IRAG2: variants seen among roughly 807,000 people sequenced by gnomAD.
IRAG2 encodes inositol 1,4,5-triphosphate receptor associated 2.
IRAG2 carries 45 observed loss-of-function variants against 69.9 expected under a neutral mutation model. That is an observed-to-expected ratio of 0.64 (90% CI 0.51 to 0.83). The LOEUF is 0.83. Ranked by LOEUF, IRAG2 falls within the 40% of genes least tolerant of loss-of-function variation. The pLI is 0.00. For synonymous variants in IRAG2, 193 were observed against 202.4 expected (o/e 0.95, Z 0.40); for missense variants, 520 against 587.0 (o/e 0.89, Z 1.18).
chr12:25,077,277 A>ATCAT (rs1565562885), intron 6 of IRAG2, among the ~76,000 whole-genome samples: 7 of 21,810 alleles, frequency 3.2e-4, no homozygotes, highest in Non-Finnish European at 4.7e-4. Flanking sequence ...ATATATATGA[A>ATCAT]ATATATATGA....
At chr12:25,086,719 G>A (rs1465112460) in intron 10 of IRAG2, among the ~76,000 whole-genome samples, 1 of 152,156 alleles carries the variant, frequency 6.6e-6, no homozygotes, top group East Asian at 1.9e-4. Flanking sequence ...AAGAGGAAAG[G>A]ATGTATAGAT....
At chr12:25,002,825 A>G (rs1944402206), upstream of IRAG2, among the ~76,000 whole-genome samples, 1 of 152,076 alleles carries the variant, frequency 6.6e-6, no homozygotes, top group Non-Finnish European at 1.5e-5. Flanking sequence ...TATTTTTAGT[A>G]GAGATAGGGT....
intron 14 of IRAG2, among the ~76,000 whole-genome samples, chr12:25,091,334 A>C (rs1948045083): frequency 1.3e-5 from 2 of 152,296 alleles, no homozygotes; most frequent in Middle Eastern, 3.4e-3. Flanking sequence ...GACTTTGCAT[A>C]AGTGGATTCA....
intron 7 of IRAG2, among the ~76,000 whole-genome samples, chr12:25,023,400 A>G (rs907476986): frequency 5.3e-5 from 8 of 150,964 alleles, no homozygotes; most frequent in African/African-American, 2.0e-4. Context: ...CCTGAAATAT[A>G]TTGATTTTTT....
rs773592876 is a variant in IRAG2 at position 25,035,328 on chromosome 12, C to T, written c.1744-325C>T. 2.0e-5 allele frequency among the ~76,000 whole-genome samples: 3 copies of T among 152,088 alleles called. No homozygotes were observed. In the East Asian group the frequency reaches 5.8e-4, roughly 29 times the overall value. On this transcript the variant is annotated intron_variant, in intron 13 of 38. Transcript: ENST00000636465. ...GTTTTCAGTGGGATTGATGGAGCAG[C>T]CCTTCTCCATCAATTTTTTCCCCCT... is the stretch of plus-strand genomic sequence containing the variant.
chr12:25,051,822 C>A (rs1944880286), upstream of IRAG2, among the ~76,000 whole-genome samples: 1 of 152,170 alleles, frequency 6.6e-6, no homozygotes. Context: ...TTTCCCTCCC[C>A]CTACCTTTAC....
chr12:25,039,117 C>T (rs1565531938), intron 16 of IRAG2, among the ~76,000 whole-genome samples: 1 of 152,178 alleles, frequency 6.6e-6, no homozygotes, highest in Admixed American at 6.5e-5. Flanking sequence ...CCATACTTAG[C>T]ACTTACTTAA....
At chr12:25,001,021 A>C (rs538829066), upstream of IRAG2, among the ~76,000 whole-genome samples, 58 of 152,232 alleles carry the variant, frequency 3.8e-4, no homozygotes, top group Non-Finnish European at 1.0e-4. Context: ...AGAAGATGAC[A>C]CAAATTTTGA....
chr12:25,084,418 A>G (rs533183688), intron 10 of IRAG2, among the ~76,000 whole-genome samples: 18 of 152,146 alleles, frequency 1.2e-4, no homozygotes, highest in African/African-American at 4.3e-4. Context: ...GAGAGAGAGA[A>G]GACTCATTTC....
intron 6 of IRAG2, among the ~76,000 whole-genome samples, chr12:25,078,784 A>G (rs1946995079): frequency 1.3e-5 from 2 of 152,198 alleles, no homozygotes; most frequent in African/African-American, 4.8e-5. Flanking sequence ...TCTCTCAGAT[A>G]TGGATTAAGT....
intron 9 of IRAG2, among the ~76,000 whole-genome samples, chr12:25,081,547 G>A (rs1947216782): frequency 6.6e-6 from 1 of 152,170 alleles, no homozygotes; most frequent in Non-Finnish European, 1.5e-5. Flanking sequence ...CCTTGGATAA[G>A]GGAGGGCTAC....
intron 8 of IRAG2, among the ~76,000 whole-genome samples, chr12:25,025,769 G>A (rs1944616761): frequency 6.6e-6 from 1 of 152,176 alleles, no homozygotes; most frequent in African/African-American, 2.4e-5. Flanking sequence ...GAAATGCTTT[G>A]TAATATATCC....
intron 19 of IRAG2, 72 bp from the exon 20 acceptor site, chr12:25,104,289 C>A: frequency 1.9e-6 from 2 of 1,049,170 alleles, no homozygotes; most frequent in Non-Finnish European, 3.0e-6. Flanking sequence ...TTTACTTAAG[C>A]AGTAGGAAAT....
chr12:25,106,104 C>T (rs773751810), intron 20 of IRAG2, among the ~76,000 whole-genome samples: 7 of 151,826 alleles, frequency 4.6e-5, no homozygotes, highest in Admixed American at 2.0e-4. Context: ...TTCAAAAACA[C>T]GTTTTAAATT....
In IRAG2 at chr12:25,103,486, T is replaced by C. The variant is rs141448166; in HGVS notation, c.934-351T>C. On this transcript the variant is annotated intron_variant, in intron 17 of 21. Coordinates refer to ENST00000556887, the MANE Select transcript of IRAG2 (RefSeq NM_001366544.2). ...AAATTCAATATAAACAAAATTAATA[T>C]AGACAAAGGTGGTAAACAGGTGGTT... 2.1e-3 allele frequency: 367 copies of C among 175,496 alleles called. 2 individuals carry two copies. Among genetic ancestry groups the C allele is most frequent in the Non-Finnish European group, 3.8e-3 (319 of 83,048 alleles). 10.9% of individuals were successfully genotyped at this position (175,496 alleles called of 1,614,324 possible).
chr12:25,017,683 A>C (rs1232391706), intron 6 of IRAG2, among the ~76,000 whole-genome samples: 1 of 151,622 alleles, frequency 6.6e-6, no homozygotes, highest in African/African-American at 2.4e-5. Flanking sequence ...GTGCCACTGC[A>C]TTCCAGCTTA....
intron 9 of IRAG2, 108 bp from the exon 10 acceptor site, chr12:25,083,313 TAA>T (rs1947350059): frequency 1.3e-6 from 1 of 769,750 alleles, no homozygotes. Flanking sequence ...TCTCATATGT[TAA>T]GACCTTTGTC....
intron 6 of IRAG2, among the ~76,000 whole-genome samples, chr12:25,072,703 A>G (rs541725146): frequency 6.6e-6 from 1 of 152,270 alleles, no homozygotes; most frequent in East Asian, 1.9e-4. Context: ...GATTCTGTCA[A>G]TCTCTACAGC....
At chr12:25,037,945 T>C (rs1944714766) in intron 15 of IRAG2, 1 of 398,618 alleles carries the variant, frequency 2.5e-6, no homozygotes, top group African/African-American at 2.1e-5. Context: ...ATTGGAGTAC[T>C]GGGGTTTGTT....
Sources: allele counts gnomAD v4.1 joint callset (sites outside exome capture counted in the v4.1 genomes callset), GRCh38; gene constraint gnomAD v4.1.1; transcripts MANE v1.5; gene names NCBI Gene and HGNC (gene_info 2026-07-23, HGNC 2026-07-21).